The following PHF21A variants were observed in gnomAD, a reference collection of about 807,000 sequenced individuals.
The protein encoded by PHF21A is PHD finger protein 21A, also known as BHC80a.
In PHF21A, 11 loss-of-function variants were observed where a neutral mutation model predicts 82.5. The ratio of observed to expected loss-of-function variants is 0.13; its 90% confidence interval spans 0.08 to 0.22. The LOEUF (loss-of-function observed/expected upper bound fraction) is 0.22, where lower values mean the gene tolerates loss of function less well. Ranked by LOEUF, PHF21A falls within the 10% of genes least tolerant of loss-of-function variation. The pLI, the probability that PHF21A is intolerant of heterozygous loss-of-function variation, is 1.00. For missense variants in PHF21A, 579 were observed against 837.8 expected, an observed-to-expected ratio of 0.69 and a Z score of 3.81; for synonymous variants, 297 against 302.8, an observed-to-expected ratio of 0.98 and a Z score of 0.20.
At chr11:45,973,950 G>A (rs1160665938) in intron 7 of PHF21A, among the ~76,000 whole-genome samples, 2 of 152,152 alleles carry the variant, frequency 1.3e-5, no homozygotes, top group Non-Finnish European at 2.9e-5. Context: ...ACTCTAAACT[G>A]ATGATTCTAC....
At chr11:45,965,240 T>C in intron 10 of PHF21A, 75 bp downstream of exon 10, 2 of 1,276,434 alleles carry the variant, frequency 1.6e-6, no homozygotes, top group Non-Finnish European at 2.2e-6. Flanking sequence ...AGAAAATGTA[T>C]TTAGAGAAAG....
In PHF21A at chr11:45,950,200, T is replaced by C; in HGVS notation, c.1147+6A>G. 6.3e-7 allele frequency: 1 copy of C among 1,599,356 alleles called. No homozygotes were observed. The highest frequency in any genetic ancestry group is 1.1e-5 in the South Asian group (1 of 89,098). On this transcript the variant is annotated splice_donor_region_variant and intron_variant, in intron 12 of 18. Coordinates refer to ENST00000676320, the MANE Select transcript of PHF21A (RefSeq NM_001352027.3). Reference sequence around the variant, plus strand: ...AAAAGGCAGTGCCAAGAATATCTTCTCTTACCTTCTAGATGGTCATGTGTT... The same window carrying C: ...AAAAGGCAGTGCCAAGAATATCTTCCCTTACCTTCTAGATGGTCATGTGTT...
chr11:46,029,654 C>T (rs960503958), intron 6 of PHF21A, among the ~76,000 whole-genome samples: 3 of 147,142 alleles, frequency 2.0e-5, no homozygotes, highest in African/African-American at 7.7e-5. Flanking sequence ...TGCCACTGCA[C>T]TAGAGCCTCC....
chr11:46,021,904 T>A (rs1171341011), intron 6 of PHF21A, among the ~76,000 whole-genome samples: 2 of 152,022 alleles, frequency 1.3e-5, no homozygotes, highest in Non-Finnish European at 2.9e-5. Flanking sequence ...AGGGGCAGAA[T>A]AATTCATTTT....
chr11:45,979,284 G>T (rs2094178784), intron 7 of PHF21A, among the ~76,000 whole-genome samples: 1 of 152,208 alleles, frequency 6.6e-6, no homozygotes, highest in South Asian at 2.1e-4. Flanking sequence ...CTCCCAAAGT[G>T]CTGGGATTAC....
rs2135128191 is a variant in PHF21A at position 45,938,208 on chromosome 11, A to AG, written c.1556dup (p.Leu520SerfsTer53). The AG allele has an allele frequency of 6.2e-7, 1 of 1,606,972 alleles. No homozygotes were observed. Among genetic ancestry groups the AG allele is most frequent in the Non-Finnish European group, 8.5e-7 (1 of 1,176,882 alleles). On this transcript the variant is annotated frameshift_variant, in exon 16 of 19. Coordinates refer to ENST00000676320, the MANE Select transcript of PHF21A (RefSeq NM_001352027.3). LOFTEE classifies it high-confidence loss of function. Reference sequence around the variant, plus strand: ...ACATGCCCTTGGGAATTGTTTTCAGAGGGGGGTCTAAGCAGTCCAAATGAT... The same window carrying AG: ...ACATGCCCTTGGGAATTGTTTTCAGAGGGGGGGTCTAAGCAGTCCAAATGAT...
At chr11:45,995,691 C>G (rs2094883464) in intron 6 of PHF21A, among the ~76,000 whole-genome samples, 1 of 152,152 alleles carries the variant, frequency 6.6e-6, no homozygotes, top group African/African-American at 2.4e-5. Flanking sequence ...GCACATGTAA[C>G]AAAAGGAAGA....
rs117006850 is a variant in PHF21A at position 46,044,428 on chromosome 11, C to T, written c.153+32326G>A. ...CCAATCTTTACACTTCCAGTGACCC[C>T]GGTACTACTTTTTCCCCCTCCCCTT... On this transcript the variant is annotated intron_variant, in intron 6 of 18. Coordinates refer to ENST00000676320, the MANE Select transcript of PHF21A (RefSeq NM_001352027.3). Among the ~76,000 whole-genome samples, 39 of 152,138 alleles carry T rather than the reference C, an allele frequency of 2.6e-4. No homozygotes were observed. In the East Asian group the frequency reaches 2.9e-3, roughly 11 times the overall value.
At chr11:46,042,686 A>C (rs1293197382) in intron 6 of PHF21A, among the ~76,000 whole-genome samples, 1 of 152,126 alleles carries the variant, frequency 6.6e-6, no homozygotes, top group Admixed American at 6.5e-5. Context: ...GAGGTCTTTA[A>C]GAGGCCATTA....
chr11:46,063,134 A>C (rs1199405146), intron 6 of PHF21A, among the ~76,000 whole-genome samples: 1 of 152,230 alleles, frequency 6.6e-6, no homozygotes, highest in African/African-American at 2.4e-5. Flanking sequence ...GAGAATAAAA[A>C]ATAAAAGTGG....
chr11:45,939,771 CAAAAAAAAAAAAA>C lies in PHF21A; in HGVS notation c.1453-1472_1453-1460del, dbSNP rs56931455. Reference sequence around the variant, plus strand: ...AAAATTGGAAGAGGAGAACATAGCCCAAAAAAAAAAAAAAAAAAAAAAAAGAGCTATTAAAGAG... The same window carrying C: ...AAAATTGGAAGAGGAGAACATAGCCCAAAAAAAAAAAGAGCTATTAAAGAG... On this transcript the variant is annotated intron_variant, in intron 15 of 18. Coordinates refer to ENST00000676320, the MANE Select transcript of PHF21A (RefSeq NM_001352027.3). 2.0e-3 allele frequency among the ~76,000 whole-genome samples: 118 copies of C among 60,388 alleles called. 1 individual carries two copies. Among genetic ancestry groups the C allele is most frequent in the African/African-American group, 7.4e-3 (112 of 15,210 alleles). 39.6% of individuals were successfully genotyped at this position (60,388 alleles called of 152,430 possible). A position where few individuals can be genotyped will look rare whatever the true frequency, so the allele number is the denominator to read the frequency against.
intron 7 of PHF21A, among the ~76,000 whole-genome samples, chr11:45,972,842 A>G (rs561177488): frequency 1.4e-4 from 22 of 152,214 alleles, no homozygotes; most frequent in African/African-American, 5.1e-4. Context: ...TGAACCCGGG[A>G]GGCGGAGGTT....
chr11:46,051,527 C>A (rs1049099740), intron 6 of PHF21A, among the ~76,000 whole-genome samples: 2 of 152,104 alleles, frequency 1.3e-5, no homozygotes, highest in African/African-American at 4.8e-5. Flanking sequence ...GTTGAAATTG[C>A]CTAAGGAAAC....
At chr11:46,046,475 G>A (rs868703972) in intron 6 of PHF21A, among the ~76,000 whole-genome samples, 5 of 152,130 alleles carry the variant, frequency 3.3e-5, no homozygotes, top group Admixed American at 2.0e-4. Flanking sequence ...ACCAGAGCTC[G>A]TCATACAGGG....
intron 3 of PHF21A, among the ~76,000 whole-genome samples, chr11:46,090,228 G>C (rs2096908192): frequency 6.6e-6 from 1 of 152,050 alleles, no homozygotes; most frequent in Non-Finnish European, 1.5e-5. Flanking sequence ...ACATTTACCA[G>C]AATGTTATTA....
intron 6 of PHF21A, among the ~76,000 whole-genome samples, chr11:46,007,129 G>C (rs546653895): frequency 6.6e-6 from 1 of 152,046 alleles, no homozygotes; most frequent in Non-Finnish European, 1.5e-5. Flanking sequence ...CAACCATAAC[G>C]TGACGAGACA....
intron 6 of PHF21A, among the ~76,000 whole-genome samples, chr11:46,022,290 CA>C (rs956805661): frequency 6.6e-6 from 1 of 151,892 alleles, no homozygotes. Flanking sequence ...CCCATTTCTA[CA>C]AAAAAATTTA....
At chr11:46,060,984 T>C (rs1436434585) in intron 6 of PHF21A, among the ~76,000 whole-genome samples, 3 of 152,350 alleles carry the variant, frequency 2.0e-5, no homozygotes, top group East Asian at 3.9e-4. Flanking sequence ...TTCATTTTTG[T>C]ATATGGTGTA....
chr11:46,039,052 A>G (rs2096071716), intron 6 of PHF21A, among the ~76,000 whole-genome samples: 1 of 152,166 alleles, frequency 6.6e-6, no homozygotes, highest in South Asian at 2.1e-4. Context: ...GAGCAGAGTG[A>G]GTGGGCTGAA....
Sources: allele counts gnomAD v4.1 joint callset (sites outside exome capture counted in the v4.1 genomes callset), GRCh38; gene constraint gnomAD v4.1.1; transcripts MANE v1.5; gene names NCBI Gene and HGNC (gene_info 2026-07-23, HGNC 2026-07-21).